The following MYOCD variants were observed in gnomAD, a reference collection of about 807,000 sequenced individuals.
MYOCD encodes the protein myocardin.
Under a neutral mutation model 96.1 loss-of-function variants are expected in MYOCD, and 32 were observed. The ratio of observed to expected loss-of-function variants is 0.33; its 90% confidence interval spans 0.25 to 0.45. The LOEUF (loss-of-function observed/expected upper bound fraction) is 0.45, where lower values mean the gene tolerates loss of function less well. Ranked by LOEUF, MYOCD falls within the 20% of genes least tolerant of loss-of-function variation. The probability of loss-of-function intolerance (pLI) is 1.00; values close to 1 mark genes in which losing one functional copy is unlikely to be tolerated. For missense variants in MYOCD, 1,133 were observed against 1,200.6 expected, an observed-to-expected ratio of 0.94 and a Z score of 0.83; for synonymous variants, 469 against 469.0, an observed-to-expected ratio of 1.00 and a Z score of 0.00.
chr17:12,743,310 G>A (rs1416299922), intron 7 of MYOCD, among the ~76,000 whole-genome samples: 1 of 152,054 alleles, frequency 6.6e-6, no homozygotes, highest in Non-Finnish European at 1.5e-5. Context: ...GCAGGCAGGC[G>A]AGAGGGTGTT....
intron 2 of MYOCD, chr17:12,705,531 T>C (rs922560730): frequency 5.4e-6 from 1 of 184,794 alleles, no homozygotes; most frequent in Admixed American, 6.1e-5. Context: ...AATTACATCA[T>C]CTTTTTCTCA....
intron 2 of MYOCD, chr17:12,705,443 A>G: frequency 2.6e-6 from 1 of 380,348 alleles, no homozygotes; most frequent in East Asian, 4.2e-5. Flanking sequence ...TTCTCAGGGT[A>G]AACACAATTC....
At chr17:12,712,461 T>C (rs1567582971) in intron 2 of MYOCD, among the ~76,000 whole-genome samples, 1 of 152,174 alleles carries the variant, frequency 6.6e-6, no homozygotes, top group Non-Finnish European at 1.5e-5. Context: ...CTGCCTTCAA[T>C]GAGTTCTCTG....
In MYOCD at chr17:12,744,411, C is replaced by A; in HGVS notation, c.946C>A (p.Leu316Ile). ...GCAGCAGCAACACCGATTCAGCTAC[C>A]TAGGGATGCACCAAGCTCAGCTTAA... ...QQQQQHRFSYLGMHQAQLKEP... is the reference protein window; with the variant it reads ...QQQQQHRFSYIGMHQAQLKEP... The change falls in exon 8 of 14, where the codon CTA (leucine) becomes ATA (isoleucine). Residue 316 changes from leucine (L) to isoleucine (I), a missense_variant. Physicochemically the swap from Leu to Ile is conservative, Grantham distance 5. Coordinates refer to ENST00000425538, the MANE Select transcript of MYOCD (RefSeq NM_001146312.3). 4 of 1,612,958 alleles carry A rather than the reference C, an allele frequency of 2.5e-6. No homozygotes were observed. Among genetic ancestry groups the A allele is most frequent in the Non-Finnish European group, 2.5e-6 (3 of 1,179,412 alleles).
At chr17:12,756,210 G>A (rs2033007382) in intron 10 of MYOCD, among the ~76,000 whole-genome samples, 1 of 152,134 alleles carries the variant, frequency 6.6e-6, no homozygotes, top group Non-Finnish European at 1.5e-5. Context: ...CCTATGATGT[G>A]GATACCTGGA....
rs1283014721 is a variant in MYOCD at position 12,736,333 on chromosome 17, C to T, written c.588C>T (p.Asn196=). The T allele has an allele frequency of 5.6e-6, 9 of 1,611,580 alleles. No individual in the cohort carries two copies. The highest frequency in any genetic ancestry group is 7.6e-6 in the Non-Finnish European group (9 of 1,179,118). ...CTTCGACAGGTTCTCTGGGGACAAA[C>T]CAGGTAAAAAACAAAACAAACAAAC... is the stretch of plus-strand genomic sequence containing the variant. ...DTPSTGSLGT[N]QDLASGSEND... is the part of the protein sequence containing the mutation. Residue 196 remains asparagine (N), a synonymous_variant, in exon 6 of 14, where the codon AAC becomes AAT. Transcript: ENST00000425538.
intron 12 of MYOCD, among the ~76,000 whole-genome samples, chr17:12,758,611 C>T (rs900136365): frequency 6.6e-6 from 1 of 152,186 alleles, no homozygotes; most frequent in Non-Finnish European, 1.5e-5. Context: ...GGTAATACTT[C>T]CTAAGGTTCT....
intron 5 of MYOCD, among the ~76,000 whole-genome samples, chr17:12,725,081 C>T (rs915532330): frequency 5.9e-5 from 9 of 151,836 alleles, no homozygotes; most frequent in Admixed American, 1.3e-4. Flanking sequence ...AGTAAAGTCA[C>T]ATTGATTATT....
In MYOCD at chr17:12,691,106, C is replaced by T. The variant is rs149948127; in HGVS notation, c.56-14022C>T. On this transcript the variant is annotated intron_variant, in intron 1 of 13. Coordinates refer to ENST00000425538, the MANE Select transcript of MYOCD (RefSeq NM_001146312.3). ...GCGAATGGAAAGTTTTCCATTTTCACCGTTCCCTAGCAATGTCACATTTTC... is the reference window on the plus strand; with the variant it reads ...GCGAATGGAAAGTTTTCCATTTTCATCGTTCCCTAGCAATGTCACATTTTC... Among the ~76,000 whole-genome samples the T allele has an allele frequency of 1.8e-3, 276 of 152,260 alleles. 4 individuals carry two copies. The highest frequency in any genetic ancestry group is 1.8e-3 in the Non-Finnish European group (123 of 68,012).
At chr17:12,756,118 G>A (rs2033004891) in intron 10 of MYOCD, among the ~76,000 whole-genome samples, 1 of 152,152 alleles carries the variant, frequency 6.6e-6, no homozygotes, top group South Asian at 2.1e-4. Flanking sequence ...TCCATGGCGG[G>A]AATAGTAGAA....
chr17:12,688,204 G>C (rs1395353101), intron 1 of MYOCD, among the ~76,000 whole-genome samples: 2 of 152,192 alleles, frequency 1.3e-5, no homozygotes, highest in African/African-American at 4.8e-5. Flanking sequence ...ATTGTCAACA[G>C]CAGACTTCTG....
At chr17:12,674,200 C>T (rs1359168871) in intron 1 of MYOCD, among the ~76,000 whole-genome samples, 3 of 152,112 alleles carry the variant, frequency 2.0e-5, no homozygotes, top group Non-Finnish European at 4.4e-5. Flanking sequence ...GTTCCACTGT[C>T]CCATGATGAT....
intron 1 of MYOCD, among the ~76,000 whole-genome samples, chr17:12,680,589 C>T (rs1170170946): frequency 6.6e-6 from 1 of 152,140 alleles, no homozygotes; most frequent in African/African-American, 2.4e-5. Flanking sequence ...GGAGGCCCCT[C>T]CCACCGGCCC....
chr17:12,760,362 A>G (rs1430205953), intron 12 of MYOCD: 1 of 380,636 alleles, frequency 2.6e-6, no homozygotes, highest in East Asian at 5.1e-5. Context: ...GGGGTGTGGG[A>G]AATTATGGTT....
At chr17:12,702,299 ATTAT>A (rs1345423500) in intron 1 of MYOCD, among the ~76,000 whole-genome samples, 2 of 151,956 alleles carry the variant, frequency 1.3e-5, no homozygotes, top group African/African-American at 4.8e-5. Context: ...TAAAATTTCC[ATTAT>A]TTATCTCTGA....
chr17:12,693,385 G>A (rs1046131080), intron 1 of MYOCD, among the ~76,000 whole-genome samples: 5 of 151,850 alleles, frequency 3.3e-5, no homozygotes, highest in East Asian at 1.9e-4. Context: ...CGAGGTGGGC[G>A]GATCACCCGA....
intron 1 of MYOCD, among the ~76,000 whole-genome samples, chr17:12,686,137 GA>G (rs1302532199): frequency 6.6e-6 from 1 of 152,184 alleles, no homozygotes; most frequent in Non-Finnish European, 1.5e-5. Context: ...AATCTCATGG[GA>G]AAAACTTGAG....
chr17:12,760,353 G>A (rs1356671613), intron 12 of MYOCD: 1 of 372,018 alleles, frequency 2.7e-6, no homozygotes, highest in East Asian at 5.4e-5. Flanking sequence ...CTAAAGGATG[G>A]GGTGTGGGAA....
Position 12,756,540 on chromosome 17 carries a change from C to G in MYOCD, c.2185C>G (p.Pro729Ala), listed in dbSNP as rs113595869. Residue 729 changes from proline (P) to alanine (A), a missense_variant, in exon 11 of 14, where the codon CCA (proline) becomes GCA (alanine). Transcript: ENST00000425538. Reference sequence around the variant, plus strand: ...CGGGGGAAACCCTTGTCCCAAAAGCCCATGTGTACAGCAAAAGGTAGGCAC... The same window carrying G: ...CGGGGGAAACCCTTGTCCCAAAAGCGCATGTGTACAGCAAAAGGTAGGCAC... ...GAGGNPCPKS[P>A]CVQQKMAGLH... is the part of the protein sequence containing the mutation. The G allele has an allele frequency of 4.4e-5, 68 of 1,551,176 alleles. No homozygotes were observed. In the African/African-American group the frequency reaches 7.4e-4, roughly 17 times the overall value.
Sources: gnomAD v4.1 joint callset for allele counts (sites outside exome capture counted in the v4.1 genomes callset) on GRCh38, gnomAD v4.1.1 for gene constraint, MANE v1.5 for transcripts, NCBI Gene and HGNC (gene_info 2026-07-23, HGNC 2026-07-21) for gene names.